PCCB: variants seen among roughly 807,000 people sequenced by gnomAD.
The protein encoded by PCCB is propionyl-CoA carboxylase subunit beta.
PCCB carries 43 observed loss-of-function variants against 60.7 expected under a neutral mutation model. The ratio of observed to expected loss-of-function variants is 0.71; its 90% CI spans 0.55 to 0.91. The LOEUF is 0.91. PCCB is among the 40% of genes least tolerant of loss of function. The pLI, the probability that PCCB is intolerant of heterozygous loss-of-function variation, is 0.00. For synonymous variants in PCCB, 276 were observed against 255.9 expected (o/e 1.08, Z -0.75); for missense variants, 766 against 702.8 (o/e 1.09, Z -1.02).
intron 14 of PCCB, among the ~76,000 whole-genome samples, chr3:136,329,341 G>A (rs368806713): frequency 3.9e-5 from 6 of 152,122 alleles, no homozygotes; most frequent in African/African-American, 1.4e-4. Flanking sequence ...CACTCCCCAC[G>A]TGGCCTCTCA....
chr3:136,285,824 A>G (rs1221665229), intron 6 of PCCB, among the ~76,000 whole-genome samples: 2 of 152,250 alleles, frequency 1.3e-5, no homozygotes, highest in African/African-American at 4.8e-5. Flanking sequence ...ACTTTAGTTA[A>G]TAATTGCATA....
chr3:136,268,292 C>T (rs904444197), intron 5 of PCCB, among the ~76,000 whole-genome samples: 1 of 151,122 alleles, frequency 6.6e-6, no homozygotes, highest in African/African-American at 2.4e-5. Flanking sequence ...ATTCTTTCCC[C>T]ATTGAATTGT....
chr3:136,328,318 A>T (rs1935408665), intron 13 of PCCB, among the ~76,000 whole-genome samples: 1 of 152,184 alleles, frequency 6.6e-6, no homozygotes, highest in South Asian at 2.1e-4. Flanking sequence ...TTTCCAGTTC[A>T]GTCTGGTCGC....
At chr3:136,256,097 C>T in intron 2 of PCCB, 122 bp downstream of exon 2, 6 of 1,404,252 alleles carry the variant, frequency 4.3e-6, no homozygotes, top group Non-Finnish European at 5.9e-6. Flanking sequence ...CTGCAGACAT[C>T]AAGCCCAGAT....
At chr3:136,282,327 A>G (rs1035534137) in intron 5 of PCCB, among the ~76,000 whole-genome samples, 3 of 152,220 alleles carry the variant, frequency 2.0e-5, no homozygotes, top group African/African-American at 7.2e-5. Flanking sequence ...TGCTTTAGAC[A>G]GCTGAATAGT....
At chr3:136,287,208 A>G (rs1028173470) in intron 6 of PCCB, among the ~76,000 whole-genome samples, 3 of 151,950 alleles carry the variant, frequency 2.0e-5, no homozygotes, top group African/African-American at 7.3e-5. Context: ...GCTTTGCTTC[A>G]TAGTTGAAAA....
At chr3:136,282,738 T>C (rs1339041014) in intron 5 of PCCB, among the ~76,000 whole-genome samples, 1 of 152,242 alleles carries the variant, frequency 6.6e-6, no homozygotes, top group African/African-American at 2.4e-5. Flanking sequence ...TCAGCACTCT[T>C]AATTGGTTCT....
At position 136,264,423 on chromosome 3, in the gene PCCB, CAT is replaced by C. The variant is rs886892135; in HGVS notation, c.543+2365_543+2366del. ...TCTCGCTCTTTCTGTCTCTGTCTCT[CAT>C]ATATATGTGTGTGTGTATATATGTA... On this transcript the variant is annotated intron_variant, in intron 5 of 14. Coordinates refer to ENST00000251654, the MANE Select transcript of PCCB (RefSeq NM_000532.5). Among the ~76,000 whole-genome samples the C allele has an allele frequency of 2.0e-4, 23 of 114,460 alleles. 1 individual carries two copies. The highest frequency in any genetic ancestry group is 8.9e-4 in the Admixed American group (11 of 12,352). The allele number at this position is 114,460 out of a possible 152,430, so 75.1% of individuals were successfully genotyped here.
intron 8 of PCCB, among the ~76,000 whole-genome samples, chr3:136,300,132 ATATC>A (rs751518678): frequency 6.3e-4 from 96 of 151,678 alleles, no homozygotes; most frequent in African/African-American, 2.3e-3. Flanking sequence ...GTATATATGT[ATATC>A]TACACATGTG....
At chr3:136,261,534 G>A (rs1471307189) in intron 4 of PCCB, among the ~76,000 whole-genome samples, 4 of 152,040 alleles carry the variant, frequency 2.6e-5, no homozygotes, top group Non-Finnish European at 4.4e-5. Context: ...AAGCAGGCCC[G>A]GGCCTGCCCT....
chr3:136,323,983 C>G (rs1935204221), intron 10 of PCCB, among the ~76,000 whole-genome samples: 1 of 150,170 alleles, frequency 6.7e-6, no homozygotes, highest in Non-Finnish European at 1.5e-5. Context: ...TCCTCTTTTC[C>G]CAAGCTTTGT....
intron 2 of PCCB, chr3:136,256,277 A>G (rs1370499680): frequency 8.8e-6 from 5 of 569,348 alleles, no homozygotes; most frequent in Non-Finnish European, 1.6e-5. Flanking sequence ...TCATGTAAGC[A>G]TAGAGAAGTG....
chr3:136,307,158 C>T (rs1934473558), intron 9 of PCCB, among the ~76,000 whole-genome samples: 1 of 122,192 alleles, frequency 8.2e-6, no homozygotes, highest in African/African-American at 2.5e-5. Context: ...ATTAAGACTG[C>T]AGAAAACCAG....
At chr3:136,273,258 C>CCA (rs1942245862) in intron 5 of PCCB, among the ~76,000 whole-genome samples, 1 of 151,958 alleles carries the variant, frequency 6.6e-6, no homozygotes, top group South Asian at 2.1e-4. Flanking sequence ...GGAGAATGTT[C>CCA]CATGTGTTGA....
At chr3:136,309,536 A>G (rs1486155723) in intron 9 of PCCB, among the ~76,000 whole-genome samples, 2 of 152,186 alleles carry the variant, frequency 1.3e-5, no homozygotes, top group Non-Finnish European at 2.9e-5. Flanking sequence ...GTGGTGGCTC[A>G]TGCCTATAAT....
intron 9 of PCCB, among the ~76,000 whole-genome samples, chr3:136,314,033 C>G (rs1934778636): frequency 1.1e-5 from 1 of 94,288 alleles, no homozygotes; most frequent in African/African-American, 3.6e-5. Flanking sequence ...TAGAAGGAGT[C>G]ACACACACAC....
At chr3:136,321,543 C>A (rs1935110870) in intron 10 of PCCB, among the ~76,000 whole-genome samples, 1 of 152,118 alleles carries the variant, frequency 6.6e-6, no homozygotes, top group Non-Finnish European at 1.5e-5. Flanking sequence ...AGGGGAAATG[C>A]CAGATGTTTA....
At position 136,327,652 on chromosome 3, in the gene PCCB, G is replaced by A. The variant is rs1254673132; in HGVS notation, c.1318G>A (p.Asp440Asn). 15 of 1,613,546 alleles carry A rather than the reference G, an allele frequency of 9.3e-6. No homozygotes were observed. Among genetic ancestry groups the A allele is most frequent in the Non-Finnish European group, 1.3e-5 (15 of 1,179,488 alleles). ...GTTTTAGGCCTATGGAGGTGCCTAT[G>A]ATGTCATGAGCTCTAAGCACCTTTG... is the stretch of plus-strand genomic sequence containing the variant. ...ITRKAYGGAY[D>N]VMSSKHLCGD... The change falls in exon 13 of 15, where the codon GAT becomes AAT. Residue 440 changes from aspartate to asparagine, a missense_variant. Coordinates refer to ENST00000251654, the MANE Select transcript of PCCB (RefSeq NM_000532.5).
chr3:136,300,009 T>C (rs1034050059), intron 8 of PCCB, among the ~76,000 whole-genome samples: 3 of 148,904 alleles, frequency 2.0e-5, no homozygotes, highest in East Asian at 3.9e-4. Flanking sequence ...TACCCACACA[T>C]ATGCATGTGT....
Sources: gnomAD v4.1 joint callset for allele counts (sites outside exome capture counted in the v4.1 genomes callset) on GRCh38, gnomAD v4.1.1 for gene constraint, MANE v1.5 for transcripts, NCBI Gene and HGNC (gene_info 2026-07-23, HGNC 2026-07-21) for gene names.